The following NUDT2 variants were observed in gnomAD, a reference collection of about 807,000 sequenced individuals.
The protein encoded by NUDT2 is bis(5'-nucleosyl)-tetraphosphatase [asymmetrical].
In NUDT2, 12 loss-of-function variants were observed where a neutral mutation model predicts 14.2. The ratio of observed to expected loss-of-function variants is 0.84; its 90% confidence interval spans 0.54 to 1.37. The LOEUF (loss-of-function observed/expected upper bound fraction) is 1.37. NUDT2 is among the 40% of genes most tolerant of loss of function. The probability of loss-of-function intolerance (pLI) is 0.00; values close to 1 mark genes in which losing one functional copy is unlikely to be tolerated. For missense variants in NUDT2, 167 were observed against 176.7 expected (o/e 0.95, Z 0.31); for synonymous variants, 67 against 67.4 (o/e 0.99, Z 0.03).
intron 4 of NUDT2, 87 bp from the exon 5 acceptor site, chr9:34,343,037 A>G: frequency 8.1e-7 from 1 of 1,227,986 alleles, no homozygotes; most frequent in Non-Finnish European, 1.1e-6. Flanking sequence ...GCAAAACAGA[A>G]AAAAAAAAAA....
chr9:34,342,430 A>G (rs1371266914), intron 4 of NUDT2, among the ~76,000 whole-genome samples: 1 of 152,182 alleles, frequency 6.6e-6, no homozygotes, highest in East Asian at 1.9e-4. Context: ...CCCTCCTTGG[A>G]AAAATCACTT....
At chr9:34,333,437 G>A (rs1270144660) in intron 1 of NUDT2, among the ~76,000 whole-genome samples, 1 of 151,948 alleles carries the variant, frequency 6.6e-6, no homozygotes. Context: ...GACTAGCTTG[G>A]TCAGCATAGC....
At chr9:34,330,030 A>T (rs757850939) in intron 1 of NUDT2, among the ~76,000 whole-genome samples, 23 of 152,268 alleles carry the variant, frequency 1.5e-4, no homozygotes, top group Non-Finnish European at 2.9e-4. Context: ...AATGGATAAT[A>T]TCGTGGCAGT....
Position 34,339,145 on chromosome 9 carries a change from C to T in NUDT2, c.106C>T (p.His36Tyr). The change falls in exon 4 of 5, where the codon CAT becomes TAT. Residue 36 changes from histidine (H) to tyrosine (Y), a missense_variant. His to Tyr is a moderately conservative substitution (Grantham distance 83). Coordinates refer to ENST00000379158, the MANE Select transcript of NUDT2 (RefSeq NM_001161.5). ...ACTGCTGCAGGCATCAGATGGCATTCATCACTGGACTCCTCCCAAAGGTAG... is the reference window on the plus strand; with the variant it reads ...ACTGCTGCAGGCATCAGATGGCATTTATCACTGGACTCCTCCCAAAGGTAG... ...FLLLQASDGIHHWTPPKGHVE... is the reference protein window; with the variant it reads ...FLLLQASDGIYHWTPPKGHVE... 5 of 1,613,898 alleles carry T rather than the reference C, an allele frequency of 3.1e-6. No individual in the cohort carries two copies. The highest frequency in any genetic ancestry group is 4.2e-6 in the Non-Finnish European group (5 of 1,179,790).
chr9:34,339,425 T>C (rs1016367512), intron 4 of NUDT2, among the ~76,000 whole-genome samples: 5 of 152,134 alleles, frequency 3.3e-5, no homozygotes, highest in African/African-American at 1.2e-4. Flanking sequence ...CCAACCTCTG[T>C]GGTGAATGGC....
chr9:34,343,088 TTCC>T, intron 4 of NUDT2, 33 bp from the exon 5 acceptor site: 2 of 1,541,946 alleles, frequency 1.3e-6, no homozygotes, highest in Non-Finnish European at 1.8e-6. Context: ...TTTGGAAGAT[TTCC>T]TCCTCCTTTT....
At chr9:34,332,915 C>G (rs1160495416) in intron 1 of NUDT2, among the ~76,000 whole-genome samples, 1 of 152,084 alleles carries the variant, frequency 6.6e-6, no homozygotes, top group Non-Finnish European at 1.5e-5. Flanking sequence ...TCATTTCTGT[C>G]CACTCCAAAA....
Position 34,339,069 on chromosome 9 carries a change from C to T in NUDT2, c.30C>T (p.Ile10=). 2 of 1,614,056 alleles carry T rather than the reference C, an allele frequency of 1.2e-6. No individual in the cohort carries two copies. Among genetic ancestry groups the T allele is most frequent in the Non-Finnish European group, 1.7e-6 (2 of 1,179,906 alleles). The change falls in exon 4 of 5, where the codon ATC becomes ATT. Residue 10 remains isoleucine, a synonymous_variant. Transcript: ENST00000379158. MALRACGLI[I]FRRCLIPKVD... ...CCTTGAGAGCATGTGGCTTGATCAT[C>T]TTCCGAAGATGCCTCATTCCCAAAG... is the stretch of plus-strand genomic sequence containing the variant.
At chr9:34,338,184 G>C (rs866458822) in intron 2 of NUDT2, among the ~76,000 whole-genome samples, 9 of 124,496 alleles carry the variant, frequency 7.2e-5, no homozygotes, top group African/African-American at 2.7e-4. Flanking sequence ...AAAAAAAAAG[G>C]ATAAAATAAA....
intron 4 of NUDT2, among the ~76,000 whole-genome samples, chr9:34,339,951 T>C (rs1427051980): frequency 6.6e-6 from 1 of 151,954 alleles, no homozygotes; most frequent in East Asian, 1.9e-4. Context: ...CTTTTTTTTT[T>C]TGAGACAAAG....
intron 1 of NUDT2, among the ~76,000 whole-genome samples, chr9:34,334,705 G>A (rs1166024046): frequency 6.6e-6 from 1 of 152,190 alleles, no homozygotes; most frequent in African/African-American, 2.4e-5. Context: ...GAACTGCTGT[G>A]CTGGGTCCCA....
chr9:34,333,986 C>T (rs977766766), intron 1 of NUDT2, among the ~76,000 whole-genome samples: 2 of 152,158 alleles, frequency 1.3e-5, no homozygotes, highest in African/African-American at 4.8e-5. Flanking sequence ...GTATAGCTGG[C>T]ACAGTATATA....
intron 4 of NUDT2, among the ~76,000 whole-genome samples, chr9:34,339,808 A>C (rs1838187882): frequency 6.6e-6 from 1 of 151,956 alleles, no homozygotes; most frequent in Non-Finnish European, 1.5e-5. Context: ...GTGCCACAGC[A>C]CTCCAGCCTG....
Position 34,338,327 on chromosome 9 carries a change from T to TAAAAAAAAAAA in NUDT2, c.-151-366_-151-356dup, listed in dbSNP as rs61594121. ...GGGCAATATAGTGAGACCCTGTCTC[T>TAAAAAAAAAAA]AAAAAAAAAAAAAAAAAAAAAAAAA... On this transcript the variant is annotated intron_variant, in intron 2 of 4. Transcript: ENST00000379158. Among the ~76,000 whole-genome samples, 42 of 33,738 alleles carry TAAAAAAAAAAA rather than the reference T, an allele frequency of 1.2e-3. 3 individuals are homozygous for TAAAAAAAAAAA. The highest frequency in any genetic ancestry group is 1.4e-3 in the Non-Finnish European group (31 of 21,872). The allele number at this position is 33,738 out of a possible 152,430, so 22.1% of individuals were successfully genotyped here.
intron 4 of NUDT2, among the ~76,000 whole-genome samples, chr9:34,341,491 T>A (rs987371092): frequency 6.6e-6 from 1 of 152,198 alleles, no homozygotes; most frequent in African/African-American, 2.4e-5. Context: ...GAATGGTTTT[T>A]AAGTGCTAAG....
chr9:34,343,669 G>T lies in NUDT2; in HGVS notation c.*229G>T. The T allele has an allele frequency of 2.1e-6, 1 of 469,340 alleles. No homozygotes were observed. Among genetic ancestry groups the T allele is most frequent in the South Asian group, 4.4e-5 (1 of 22,930 alleles). The allele number at this position is 469,340 out of a possible 1,614,324, so 29.1% of individuals were successfully genotyped here. ...AGGCCAGGCCCAGTAAGTGTACCTTGTACTTTATAAATAAACCTCAAGCAG... is the reference window on the plus strand; with the variant it reads ...AGGCCAGGCCCAGTAAGTGTACCTTTTACTTTATAAATAAACCTCAAGCAG... On this transcript the variant is annotated 3_prime_UTR_variant, in exon 5 of 5. Transcript: ENST00000379158.
intron 2 of NUDT2, among the ~76,000 whole-genome samples, chr9:34,336,723 T>C (rs1838097264): frequency 6.6e-6 from 1 of 151,900 alleles, no homozygotes; most frequent in South Asian, 2.1e-4. Context: ...TTTTCTATTT[T>C]TTGAGAGACA....
intron 1 of NUDT2, among the ~76,000 whole-genome samples, chr9:34,331,721 G>A (rs1001517335): frequency 6.6e-6 from 1 of 152,168 alleles, no homozygotes; most frequent in African/African-American, 2.4e-5. Context: ...CCCACCTTGG[G>A]AAATGAAGAG....
At chr9:34,337,295 C>T (rs964064507) in intron 2 of NUDT2, among the ~76,000 whole-genome samples, 13 of 152,154 alleles carry the variant, frequency 8.5e-5, no homozygotes, top group Admixed American at 2.6e-4. Context: ...CCACTGTGCC[C>T]GGCCCGTTGT....
Sources: allele counts gnomAD v4.1 joint callset (sites outside exome capture counted in the v4.1 genomes callset), GRCh38; gene constraint gnomAD v4.1.1; transcripts MANE v1.5; gene names NCBI Gene and HGNC (gene_info 2026-07-23, HGNC 2026-07-21).